The following SYNJ2 variants were observed in gnomAD, a reference collection of about 807,000 sequenced individuals.
The protein encoded by SYNJ2 is synaptojanin 2.
SYNJ2 carries 116 observed loss-of-function variants against 141.3 expected under a neutral mutation model. The observed-to-expected ratio is 0.82, with a 90% confidence interval of 0.71 to 0.96. SYNJ2 has a LOEUF of 0.96. Ranked by LOEUF, SYNJ2 falls within the 40% of genes least tolerant of loss-of-function variation. The pLI is 0.00. For synonymous variants in SYNJ2, 745 were observed against 777.7 expected (o/e 0.96, Z 0.70); for missense variants, 1,873 against 1,934.8 (o/e 0.97, Z 0.60).
chr6:157,997,495 C>T (rs944743810), intron 1 of SYNJ2, among the ~76,000 whole-genome samples: 12 of 152,084 alleles, frequency 7.9e-5, no homozygotes, highest in Admixed American at 3.9e-4. Context: ...GTGACACTGC[C>T]GCAAGACAAG....
At position 157,982,016 on chromosome 6, in the gene SYNJ2, T is replaced by C. The variant is rs1777030292; in HGVS notation, c.55T>C (p.Cys19Arg). The C allele has an allele frequency of 7.5e-7, 1 of 1,325,540 alleles. No homozygotes were observed. Among genetic ancestry groups the C allele is most frequent in the Non-Finnish European group, 9.6e-7 (1 of 1,041,088 alleles). 82.1% of individuals were successfully genotyped at this position (1,325,540 alleles called of 1,614,324 possible). ...LLGRLGAEGD[C>R]SVLLEARGRD... ...GGGGCGCCTGGGGGCCGAGGGGGAC[T>C]GTAGCGTGCTGCTGGAGGCGCGCGG... The change falls in exon 1 of 27, where the codon TGT (cysteine) becomes CGT (arginine). Residue 19 changes from cysteine to arginine, a missense_variant. Transcript: ENST00000355585. The surrounding 1 kb of genome is among the most constrained non-coding windows in gnomAD (Gnocchi z 4.0).
At chr6:158,081,002 G>A in intron 18 of SYNJ2, 107 bp from the exon 19 acceptor site, 1 of 1,011,324 alleles carries the variant, frequency 9.9e-7, no homozygotes, top group South Asian at 1.3e-5. Context: ...CTGGGGACTG[G>A]GGGCTGGAGA....
At chr6:158,093,945 G>T (rs1783636261) in intron 26 of SYNJ2, 1 of 765,312 alleles carries the variant, frequency 1.3e-6, no homozygotes, top group Non-Finnish European at 2.4e-6. Context: ...TCAAAGACAT[G>T]AGTTTGTAAG....
intron 5 of SYNJ2, among the ~76,000 whole-genome samples, chr6:158,050,134 T>TC (rs1396721251): frequency 6.6e-6 from 1 of 152,238 alleles, no homozygotes; most frequent in African/African-American, 2.4e-5. Context: ...TTCTACCCCT[T>TC]CATGGGCATT....
At chr6:157,992,644 C>T (rs186256916) in intron 1 of SYNJ2, among the ~76,000 whole-genome samples, 202 of 152,126 alleles carry the variant, frequency 1.3e-3, no homozygotes, top group African/African-American at 4.5e-3. Context: ...GTGATCCACC[C>T]GCCTCGGCCT....
At chr6:158,034,604 GAGC>G (rs1213545372) in intron 4 of SYNJ2, among the ~76,000 whole-genome samples, 1 of 152,228 alleles carries the variant, frequency 6.6e-6, no homozygotes, top group African/African-American at 2.4e-5. Flanking sequence ...AGGAACATCA[GAGC>G]AGGGGGCCCT....
intron 1 of SYNJ2, among the ~76,000 whole-genome samples, chr6:157,995,247 T>C (rs1777596144): frequency 6.6e-6 from 1 of 152,234 alleles, no homozygotes; most frequent in Admixed American, 6.5e-5. Flanking sequence ...CTTCTCCTTT[T>C]AGATTTCAGG....
intron 1 of SYNJ2, among the ~76,000 whole-genome samples, chr6:157,999,500 G>T (rs993096168): frequency 1.3e-5 from 2 of 152,246 alleles, no homozygotes; most frequent in Non-Finnish European, 2.9e-5. Context: ...GATTGAGCCT[G>T]CCCTCTAGGG....
chr6:158,078,810 A>ATTT lies in SYNJ2; in HGVS notation c.2567+529_2567+530insTTT, dbSNP rs1562392298. ...AACCTTTTTTTTTTTTTTTTTTTTG[A>ATTT]GAGAGAGTCTTGCTCTATTGCCCAG... On this transcript the variant is annotated intron_variant, in intron 18 of 26. Coordinates refer to ENST00000355585, the MANE Select transcript of SYNJ2 (RefSeq NM_003898.4). The ATTT allele has an allele frequency of 9.0e-3, 726 of 80,878 alleles. 11 individuals are homozygous for ATTT. Among genetic ancestry groups the ATTT allele is most frequent in the South Asian group, 0.046 (101 of 2,216 alleles). 5.0% of individuals were successfully genotyped at this position (80,878 alleles called of 1,614,324 possible). A position where few individuals can be genotyped will look rare whatever the true frequency, so the allele number is the denominator to read the frequency against.
intron 7 of SYNJ2, among the ~76,000 whole-genome samples, chr6:158,061,773 C>A (rs377065371): frequency 6.6e-6 from 1 of 152,180 alleles, no homozygotes; most frequent in East Asian, 1.9e-4. Context: ...TCTGCCCTTT[C>A]GCAGGCAAGA....
chr6:158,083,002 G>A (rs1219313001), intron 20 of SYNJ2, among the ~76,000 whole-genome samples: 4 of 151,914 alleles, frequency 2.6e-5, no homozygotes, highest in Admixed American at 6.6e-5. Flanking sequence ...GTGCAATCTC[G>A]GCTCACCGCA....
intron 12 of SYNJ2, chr6:158,067,888 G>C (rs1295784359): frequency 2.0e-6 from 2 of 985,174 alleles, no homozygotes; most frequent in African/African-American, 3.5e-5. Flanking sequence ...AACGCGGAGA[G>C]TGCTTAGCAC....
In SYNJ2 at chr6:157,996,398, T is replaced by G. The variant is rs1777633938; in HGVS notation, c.127+14310T>G. Among the ~76,000 whole-genome samples the G allele has an allele frequency of 2.6e-5, 4 of 152,040 alleles. 1 individual carries two copies. The South Asian group carries it at 8.3e-4, about 32-fold the overall frequency. On this transcript the variant is annotated intron_variant, in intron 1 of 26. Transcript: ENST00000355585. ...GCCTTTGAACTAGTCTCCTGGCTCT[T>G]CCCCTGCTCCCCGTATAGGGATCTG...
chr6:158,083,746 A>AT lies in SYNJ2; in HGVS notation c.3034+150dup, dbSNP rs1436135580. 6.2e-6 allele frequency: 7 copies of AT among 1,120,460 alleles called. No individual in the cohort carries two copies. The East Asian group carries it at 1.7e-4, about 26-fold the overall frequency. The allele number at this position is 1,120,460 out of a possible 1,614,324, so 69.4% of individuals were successfully genotyped here. On this transcript the variant is annotated intron_variant, in intron 21 of 26. Transcript: ENST00000355585. ...TGTCCCATGTGATGAGCATGTTTGTATGTGTGGACGATGCATGCCATGCTA... is the reference window on the plus strand; with the variant it reads ...TGTCCCATGTGATGAGCATGTTTGTATTGTGTGGACGATGCATGCCATGCTA...
At chr6:157,985,694 A>G (rs928542008) in intron 1 of SYNJ2, among the ~76,000 whole-genome samples, 4 of 152,234 alleles carry the variant, frequency 2.6e-5, no homozygotes, top group African/African-American at 7.2e-5. Context: ...CCAAAGTTCA[A>G]GGTTCTCCAA....
intron 16 of SYNJ2, among the ~76,000 whole-genome samples, chr6:158,075,622 C>T (rs1003989523): frequency 4.6e-5 from 7 of 150,768 alleles, no homozygotes; most frequent in Non-Finnish European, 7.4e-5. Flanking sequence ...GCTTGGGCAA[C>T]GAGCAAAACT....
At chr6:158,089,567 T>C (rs1336538729) in intron 24 of SYNJ2, among the ~76,000 whole-genome samples, 1 of 151,528 alleles carries the variant, frequency 6.6e-6, no homozygotes, top group African/African-American at 2.4e-5. Context: ...CACCTGGTTA[T>C]TGAAAAAAAG....
chr6:158,051,828 C>T (rs1489099810), intron 5 of SYNJ2, among the ~76,000 whole-genome samples: 1 of 150,604 alleles, frequency 6.6e-6, no homozygotes, highest in African/African-American at 2.4e-5. Context: ...TTGTAGTGTA[C>T]ACTTGTAGTC....
In SYNJ2 at chr6:158,064,579, GCCATCC is replaced by G; in HGVS notation, c.1210-20_1210-15del. 6.2e-7 allele frequency: 1 copy of G among 1,611,476 alleles called. No homozygotes were observed. The highest frequency in any genetic ancestry group is 1.1e-5 in the South Asian group (1 of 90,964). On this transcript the variant is annotated splice_polypyrimidine_tract_variant and intron_variant, in intron 9 of 26. Coordinates refer to ENST00000355585, the MANE Select transcript of SYNJ2 (RefSeq NM_003898.4). ...GCCTCTGTGGGAGAAGCCAGTGACAGCCATCCCTTATTCCTCCCCAGGTCCTGCATC... is the reference window on the plus strand; with the variant it reads ...GCCTCTGTGGGAGAAGCCAGTGACAGCTTATTCCTCCCCAGGTCCTGCATC...
Sources: gnomAD v4.1 joint callset for allele counts (sites outside exome capture counted in the v4.1 genomes callset) on GRCh38, gnomAD v4.1.1 for gene constraint, Gnocchi (gnomAD v3.1) non-coding constraint, MANE v1.5 for transcripts, NCBI Gene and HGNC (gene_info 2026-07-23, HGNC 2026-07-21) for gene names.